Variants in PDE4B observed in about 807,000 individuals in gnomAD.
PDE4B encodes the protein phosphodiesterase 4B.
PDE4B carries 20 observed loss-of-function variants against 82.2 expected under a neutral mutation model. The ratio of observed to expected loss-of-function variants is 0.24; its 90% CI spans 0.17 to 0.35. The LOEUF is 0.35. PDE4B is among the 10% of genes least tolerant of loss of function. The pLI, the probability that PDE4B is intolerant of heterozygous loss-of-function variation, is 1.00. For synonymous variants in PDE4B, 320 were observed against 318.9 expected (o/e 1.00, Z -0.04); for missense variants, 655 against 907.2 (o/e 0.72, Z 3.57).
chr1:65,865,494 G>GT (rs1238005449), intron 1 of PDE4B, among the ~76,000 whole-genome samples: 1 of 152,124 alleles, frequency 6.6e-6, no homozygotes, highest in Admixed American at 6.6e-5. Flanking sequence ...CAGCTGCCCA[G>GT]TTTTTTGCTT....
intron 7 of PDE4B, among the ~76,000 whole-genome samples, chr1:66,269,337 C>A (rs986925534): frequency 2.6e-5 from 4 of 152,106 alleles, no homozygotes; most frequent in Admixed American, 6.5e-5. Context: ...GAAAGAACAA[C>A]GAGGAAGCCA....
chr1:65,830,253 A>G (rs1266395290), intron 1 of PDE4B, among the ~76,000 whole-genome samples: 1 of 152,202 alleles, frequency 6.6e-6, no homozygotes, highest in African/African-American at 2.4e-5. Context: ...ATGATTGAAA[A>G]ATAAATAAAT....
intron 3 of PDE4B, among the ~76,000 whole-genome samples, chr1:66,077,471 T>A (rs1656495161): frequency 6.6e-6 from 1 of 152,192 alleles, no homozygotes; most frequent in South Asian, 2.1e-4. Flanking sequence ...ATTTCCTTTA[T>A]ATGTTGAAAG....
At chr1:65,970,037 T>C (rs1355171783) in intron 3 of PDE4B, among the ~76,000 whole-genome samples, 1 of 152,054 alleles carries the variant, frequency 6.6e-6, no homozygotes, top group African/African-American at 2.4e-5. Context: ...AATGTATAAG[T>C]GCCTTTTAAT....
At chr1:66,170,143 G>C (rs556567145) in intron 3 of PDE4B, among the ~76,000 whole-genome samples, 17 of 152,244 alleles carry the variant, frequency 1.1e-4, no homozygotes, top group African/African-American at 4.1e-4. Context: ...CAGCTTTTCA[G>C]GATGTTGCAC....
At chr1:65,888,497 A>G (rs1646816610) in intron 1 of PDE4B, among the ~76,000 whole-genome samples, 1 of 152,098 alleles carries the variant, frequency 6.6e-6, no homozygotes, top group Non-Finnish European at 1.5e-5. Context: ...TGGCATTGCT[A>G]TTTTGATTGG....
chr1:66,010,321 T>C (rs1366251375), intron 3 of PDE4B, among the ~76,000 whole-genome samples: 1 of 151,534 alleles, frequency 6.6e-6, no homozygotes, highest in Non-Finnish European at 1.5e-5. Context: ...AAAAATATTA[T>C]ATAAAATTTA....
chr1:65,941,458 G>T (rs546298311), intron 3 of PDE4B, among the ~76,000 whole-genome samples: 5 of 152,018 alleles, frequency 3.3e-5, no homozygotes, highest in Non-Finnish European at 7.4e-5. Context: ...AGAGCAAGAA[G>T]ATCAGAAAGG....
chr1:66,173,576 A>C (rs933287710), intron 3 of PDE4B, among the ~76,000 whole-genome samples: 4 of 152,246 alleles, frequency 2.6e-5, no homozygotes, highest in African/African-American at 9.6e-5. Flanking sequence ...TGCAGTGATC[A>C]AAATGGAACA....
intron 6 of PDE4B, among the ~76,000 whole-genome samples, chr1:66,260,188 C>A (rs1654581699): frequency 6.6e-6 from 1 of 152,032 alleles, no homozygotes; most frequent in African/African-American, 2.4e-5. Flanking sequence ...GTATTGTTAC[C>A]CCCACTCTAT....
chr1:66,117,579 C>T (rs566005), intron 3 of PDE4B, among the ~76,000 whole-genome samples: 40,132 of 151,700 alleles, frequency 0.26, 6,297 homozygotes, highest in Middle Eastern at 0.37. Context: ...TCCAGGGCCA[C>T]AGTTATTTCT....
chr1:66,077,391 G>A (rs766428322), intron 3 of PDE4B, among the ~76,000 whole-genome samples: 3 of 152,124 alleles, frequency 2.0e-5, no homozygotes, highest in Non-Finnish European at 4.4e-5. Flanking sequence ...AGTGAGGTAG[G>A]TGTAATTTTA....
At chr1:66,262,090 C>T (rs1427353204) in intron 6 of PDE4B, among the ~76,000 whole-genome samples, 1 of 152,174 alleles carries the variant, frequency 6.6e-6, no homozygotes, top group South Asian at 2.1e-4. Flanking sequence ...ATTTAATGAA[C>T]ATGTATGTAA....
intron 1 of PDE4B, among the ~76,000 whole-genome samples, chr1:65,842,563 T>A (rs1045721836): frequency 3.3e-5 from 5 of 152,166 alleles, no homozygotes; most frequent in African/African-American, 1.2e-4. Context: ...CAGCAGATAT[T>A]TATTGTTACT....
chr1:66,080,246 T>A (rs1369943764), intron 3 of PDE4B, among the ~76,000 whole-genome samples: 1 of 152,120 alleles, frequency 6.6e-6, no homozygotes, highest in Non-Finnish European at 1.5e-5. Context: ...ACAGAAAAAA[T>A]TGTGTCAAAG....
chr1:66,295,921 T>G (rs1657478479), intron 7 of PDE4B, among the ~76,000 whole-genome samples: 1 of 152,136 alleles, frequency 6.6e-6, no homozygotes, highest in Admixed American at 6.6e-5. Flanking sequence ...TCCTTCACAC[T>G]AAAATACTTG....
intron 3 of PDE4B, among the ~76,000 whole-genome samples, chr1:65,987,618 TA>T (rs1370663609): frequency 6.6e-6 from 1 of 152,214 alleles, no homozygotes; most frequent in Non-Finnish European, 1.5e-5. Flanking sequence ...TTGATTTATT[TA>T]TTTTTTTTTG....
At chr1:66,295,858 T>C (rs1657474111) in intron 7 of PDE4B, among the ~76,000 whole-genome samples, 1 of 152,208 alleles carries the variant, frequency 6.6e-6, no homozygotes, top group Admixed American at 6.5e-5. Context: ...ACACACATTG[T>C]TAAAATACAG....
chr1:66,240,881 G>C (rs1652840378), intron 3 of PDE4B, among the ~76,000 whole-genome samples: 1 of 152,198 alleles, frequency 6.6e-6, no homozygotes, highest in Admixed American at 6.5e-5. Context: ...TGAGGTGTGG[G>C]GGGCAGGATA....
Sources: allele counts gnomAD v4.1 joint callset (sites outside exome capture counted in the v4.1 genomes callset), GRCh38; gene constraint gnomAD v4.1.1; transcripts MANE v1.5; gene names NCBI Gene and HGNC (gene_info 2026-07-23, HGNC 2026-07-21).